Variants in INSYN2B observed in about 807,000 individuals in gnomAD.
INSYN2B encodes the protein inhibitory synaptic factor family member 2B, also known as protein INSYN2B.
In INSYN2B, 16 loss-of-function variants were observed where a neutral mutation model predicts 41.2. The observed-to-expected ratio is 0.39, with a 90% CI of 0.26 to 0.59. The LOEUF is 0.59. Among genes scored for constraint, INSYN2B ranks in the 20% least tolerant of loss-of-function variants. The pLI is 0.57. For missense variants in INSYN2B, 608 were observed against 646.4 expected (o/e 0.94, Z 0.64); for synonymous variants, 245 against 244.4 (o/e 1.00, Z -0.02).
intron 1 of INSYN2B, among the ~76,000 whole-genome samples, chr5:169,917,482 T>G (rs1253068748): frequency 4.6e-5 from 7 of 152,214 alleles, no homozygotes; most frequent in Non-Finnish European, 1.0e-4. Flanking sequence ...GTGGAGCAGA[T>G]TATTTTTTGA....
At chr5:169,896,147 T>G in intron 1 of INSYN2B, among the ~76,000 whole-genome samples, 1 of 148,356 alleles carries the variant, frequency 6.7e-6, no homozygotes, top group Non-Finnish European at 1.5e-5. Flanking sequence ...AGGCAGATGG[T>G]GAAAGAGCCA....
intron 1 of INSYN2B, among the ~76,000 whole-genome samples, chr5:169,955,814 A>C (rs1248591634): frequency 6.6e-6 from 1 of 152,220 alleles, no homozygotes; most frequent in Admixed American, 6.5e-5. Context: ...TCCCTGCTAC[A>C]TAGCAGAGGC....
chr5:169,978,842 G>A (rs1032627164), intron 1 of INSYN2B, among the ~76,000 whole-genome samples: 17 of 152,098 alleles, frequency 1.1e-4, no homozygotes, highest in Admixed American at 3.3e-4. Flanking sequence ...ATTTTTACAC[G>A]TTTGACCTAG....
At chr5:169,938,224 T>C (rs1282042322) in intron 1 of INSYN2B, among the ~76,000 whole-genome samples, 2 of 151,450 alleles carry the variant, frequency 1.3e-5, no homozygotes, top group African/African-American at 4.8e-5. Context: ...TTTTCTTTCT[T>C]CTTTTTTTTT....
chr5:169,961,054 C>A (rs959022722), intron 1 of INSYN2B, among the ~76,000 whole-genome samples: 2 of 152,162 alleles, frequency 1.3e-5, no homozygotes, highest in Non-Finnish European at 2.9e-5. Flanking sequence ...GGTAAACACC[C>A]CAGTATATTG....
intron 1 of INSYN2B, among the ~76,000 whole-genome samples, chr5:169,921,553 G>C (rs150022648): frequency 2.0e-5 from 3 of 152,132 alleles, no homozygotes; most frequent in African/African-American, 7.2e-5. Flanking sequence ...CCTCCTCTTC[G>C]TAGGAATTTG....
intron 1 of INSYN2B, among the ~76,000 whole-genome samples, chr5:169,967,872 G>A (rs1777361425): frequency 6.6e-6 from 1 of 152,196 alleles, no homozygotes; most frequent in Non-Finnish European, 1.5e-5. Context: ...TTTATTGAAT[G>A]TGGGAGGAGC....
intron 1 of INSYN2B, among the ~76,000 whole-genome samples, chr5:169,940,711 T>G (rs956889942): frequency 1.3e-5 from 2 of 152,154 alleles, no homozygotes; most frequent in Non-Finnish European, 2.9e-5. Flanking sequence ...ATCCCACCAC[T>G]GATCTGACAG....
At chr5:169,903,036 T>C (rs1774025607) in intron 1 of INSYN2B, among the ~76,000 whole-genome samples, 2 of 151,006 alleles carry the variant, frequency 1.3e-5, no homozygotes, top group African/African-American at 4.9e-5. Flanking sequence ...AGGTGGAGGT[T>C]GCAGTGAGCT....
At chr5:169,963,690 C>G (rs903732202) in intron 1 of INSYN2B, among the ~76,000 whole-genome samples, 1 of 152,074 alleles carries the variant, frequency 6.6e-6, no homozygotes, top group South Asian at 2.1e-4. Flanking sequence ...CTCTTTTCAC[C>G]CTTTCTTTGC....
rs1160999038 is a variant in INSYN2B, at chr5:169,868,578, G to A, written c.1422-4119C>T. Among the ~76,000 whole-genome samples, 5 of 152,146 alleles carry A rather than the reference G, an allele frequency of 3.3e-5. No homozygotes were observed. The East Asian group carries it at 7.7e-4, about 23-fold the overall frequency. ...GTTTGAGACCAGCCTGGGCAACATA[G>A]CGAGACACCATCTCTACAAAAAGTA... On this transcript the variant is annotated intron_variant, in intron 3 of 3. Coordinates refer to ENST00000377365, the MANE Select transcript of INSYN2B (RefSeq NM_001129891.3).
At chr5:169,945,953 T>G (rs367919526) in intron 1 of INSYN2B, among the ~76,000 whole-genome samples, 75 of 152,308 alleles carry the variant, frequency 4.9e-4, no homozygotes, top group African/African-American at 1.7e-3. Flanking sequence ...GGAAGCCACA[T>G]GAGCAGGCCA....
At chr5:169,864,966 C>T (rs114852169) in intron 3 of INSYN2B, among the ~76,000 whole-genome samples, 2,158 of 152,238 alleles carry the variant, frequency 0.014, 25 homozygotes, top group Non-Finnish European at 0.02. Context: ...GCCTGGCGTG[C>T]GCTAAGTCCT....
At chr5:169,896,450 C>T (rs1284583330) in intron 1 of INSYN2B, among the ~76,000 whole-genome samples, 2 of 152,142 alleles carry the variant, frequency 1.3e-5, no homozygotes, top group Non-Finnish European at 2.9e-5. Context: ...TACTTAACCT[C>T]TCTGGGCTAT....
intron 1 of INSYN2B, among the ~76,000 whole-genome samples, chr5:169,904,494 A>G (rs1581392085): frequency 6.6e-6 from 1 of 152,202 alleles, no homozygotes; most frequent in East Asian, 1.9e-4. Flanking sequence ...AAGGGTGCAG[A>G]CAGGCAGGGG....
chr5:169,899,324 C>T lies in INSYN2B; in HGVS notation c.-918-14508G>A, dbSNP rs115467282. 4.2e-3 allele frequency among the ~76,000 whole-genome samples: 635 copies of T among 152,262 alleles called. 2 individuals are homozygous for T. The highest frequency in any genetic ancestry group is 0.015 in the African/African-American group (605 of 41,552). ...GAGTGCCTGACTTCCTGCCTTGAGA[C>T]TTCTCTCACTCTCTGTAAAGTGCAG... On this transcript the variant is annotated intron_variant, in intron 1 of 3. Coordinates refer to ENST00000377365, the MANE Select transcript of INSYN2B (RefSeq NM_001129891.3).
intron 1 of INSYN2B, among the ~76,000 whole-genome samples, chr5:169,941,888 C>T (rs1266056481): frequency 6.6e-6 from 1 of 152,206 alleles, no homozygotes; most frequent in Admixed American, 6.5e-5. Context: ...GGTCACGCTG[C>T]ATCAGGAACT....
chr5:169,880,145 C>T (rs534555151), intron 3 of INSYN2B, among the ~76,000 whole-genome samples: 29 of 152,244 alleles, frequency 1.9e-4, no homozygotes, highest in African/African-American at 6.5e-4. Flanking sequence ...AGGGCTCTTC[C>T]GGGGCCCTCT....
intron 1 of INSYN2B, among the ~76,000 whole-genome samples, chr5:169,964,794 G>T (rs979190160): frequency 6.6e-6 from 1 of 152,210 alleles, no homozygotes; most frequent in African/African-American, 2.4e-5. Flanking sequence ...ATTTGTAAAA[G>T]GTGTATAATA....
Sources: gnomAD v4.1 joint callset for allele counts (sites outside exome capture counted in the v4.1 genomes callset) on GRCh38, gnomAD v4.1.1 for gene constraint, MANE v1.5 for transcripts, NCBI Gene and HGNC (gene_info 2026-07-23, HGNC 2026-07-21) for gene names.